SUSD1: variants seen among roughly 807,000 people sequenced by gnomAD.
SUSD1 encodes sushi domain-containing protein 1.
A neutral mutation model predicts 86.9 loss-of-function variants in SUSD1; 65 were observed. That is an observed-to-expected ratio of 0.75 (90% CI 0.61 to 0.92). The LOEUF is 0.92. Ranked by LOEUF, SUSD1 falls within the 40% of genes least tolerant of loss-of-function variation. The probability of loss-of-function intolerance (pLI) is 0.00; values close to 1 mark genes in which losing one functional copy is unlikely to be tolerated. For missense variants in SUSD1, 850 were observed against 929.7 expected (o/e 0.91, Z 1.11); for synonymous variants, 346 against 350.0 (o/e 0.99, Z 0.13).
intron 10 of SUSD1, among the ~76,000 whole-genome samples, chr9:112,096,409 A>G (rs767303521): frequency 5.3e-5 from 8 of 152,300 alleles, no homozygotes; most frequent in South Asian, 2.1e-4. Context: ...CTAGGTTTCA[A>G]CAGCTAGAAC....
At chr9:112,097,679 G>A (rs1189509753) in intron 10 of SUSD1, among the ~76,000 whole-genome samples, 3 of 152,012 alleles carry the variant, frequency 2.0e-5, no homozygotes, top group African/African-American at 7.2e-5. Context: ...GATTACAGTC[G>A]TGAGCCACCG....
At chr9:112,053,757 G>C (rs1004098940) in intron 14 of SUSD1, among the ~76,000 whole-genome samples, 15 of 152,258 alleles carry the variant, frequency 9.9e-5, no homozygotes, top group African/African-American at 3.4e-4. Context: ...GGTGAAGAAG[G>C]GAGCTTATTA....
chr9:112,109,771 T>A (rs374358706), intron 8 of SUSD1, among the ~76,000 whole-genome samples: 101 of 152,362 alleles, frequency 6.6e-4, no homozygotes, highest in African/African-American at 2.3e-3. Flanking sequence ...TTCCCTATAG[T>A]AGTTTACTAA....
intron 6 of SUSD1, among the ~76,000 whole-genome samples, chr9:112,123,709 C>T (rs1185242574): frequency 1.3e-5 from 2 of 151,784 alleles, no homozygotes; most frequent in South Asian, 2.1e-4. Context: ...CTGAGGCAGG[C>T]GAATCACTTG....
intron 14 of SUSD1, among the ~76,000 whole-genome samples, chr9:112,056,733 T>C (rs969364930): frequency 3.3e-5 from 5 of 151,680 alleles, no homozygotes; most frequent in African/African-American, 1.2e-4. Context: ...TGTGTGTGTG[T>C]GTGAGACAGG....
chr9:112,153,473 C>A (rs907997255), intron 2 of SUSD1, among the ~76,000 whole-genome samples: 4 of 152,042 alleles, frequency 2.6e-5, no homozygotes, highest in Non-Finnish European at 5.9e-5. Flanking sequence ...TCCTGAAAGA[C>A]CTGCCTGAGG....
intron 1 of SUSD1, among the ~76,000 whole-genome samples, 180 bp downstream of exon 1, chr9:112,174,953 C>T (rs1156771905): frequency 6.6e-6 from 1 of 151,686 alleles, no homozygotes; most frequent in Non-Finnish European, 1.5e-5. Flanking sequence ...GGGGAGCCCC[C>T]CGCTTCTCTG....
intron 12 of SUSD1, among the ~76,000 whole-genome samples, chr9:112,068,418 A>C (rs1253058753): frequency 6.6e-6 from 1 of 152,156 alleles, no homozygotes; most frequent in East Asian, 1.9e-4. Flanking sequence ...CCATTGAAAG[A>C]TTTTTAGCAG....
intron 10 of SUSD1, among the ~76,000 whole-genome samples, chr9:112,095,942 T>C (rs953531040): frequency 4.6e-5 from 7 of 152,152 alleles, no homozygotes; most frequent in African/African-American, 1.7e-4. Flanking sequence ...AAGGTTTTAA[T>C]CTTTGGAACG....
chr9:112,157,490 C>G lies in SUSD1; in HGVS notation c.217+10G>C, dbSNP rs572581070. The G allele has an allele frequency of 6.3e-7, 1 of 1,598,994 alleles. No individual in the cohort carries two copies. The highest frequency in any genetic ancestry group is 1.7e-5 in the Admixed American group (1 of 59,778). On this transcript the variant is annotated intron_variant, in intron 2 of 16. Coordinates refer to ENST00000374270, the MANE Select transcript of SUSD1 (RefSeq NM_022486.5). ...CAGCTTTTCAACTTAACCCAGAGTT[C>G]AGAACTTACCAACACACTGAGTCCT... is the stretch of plus-strand genomic sequence containing the variant.
At chr9:112,156,247 A>G (rs994010240) in intron 2 of SUSD1, among the ~76,000 whole-genome samples, 5 of 152,008 alleles carry the variant, frequency 3.3e-5, no homozygotes, top group African/African-American at 1.2e-4. Flanking sequence ...GTGGATCACG[A>G]GGTCAGGAGT....
intron 5 of SUSD1, among the ~76,000 whole-genome samples, chr9:112,139,419 T>C (rs1419582438): frequency 4.6e-5 from 7 of 152,144 alleles, no homozygotes; most frequent in Admixed American, 2.0e-4. Flanking sequence ...TATCAGGAAA[T>C]CTAACAATAT....
At chr9:112,131,545 C>T (rs1832034506) in intron 5 of SUSD1, among the ~76,000 whole-genome samples, 1 of 152,138 alleles carries the variant, frequency 6.6e-6, no homozygotes, top group South Asian at 2.1e-4. Flanking sequence ...TCTGCTCAGA[C>T]CAAATGGCAT....
At chr9:112,096,425 C>T (rs1564289996) in intron 10 of SUSD1, among the ~76,000 whole-genome samples, 1 of 152,218 alleles carries the variant, frequency 6.6e-6, no homozygotes, top group Non-Finnish European at 1.5e-5. Flanking sequence ...AGAACACACT[C>T]TCCACTCAGC....
At chr9:112,133,553 C>T (rs998722915) in intron 5 of SUSD1, among the ~76,000 whole-genome samples, 2 of 152,146 alleles carry the variant, frequency 1.3e-5, no homozygotes, top group African/African-American at 4.8e-5. Flanking sequence ...ATTTACCGTA[C>T]ATAAAAATTA....
intron 15 of SUSD1, among the ~76,000 whole-genome samples, chr9:112,048,543 C>T (rs1417105070): frequency 6.6e-6 from 1 of 152,226 alleles, no homozygotes; most frequent in East Asian, 1.9e-4. Context: ...CCTCAGTAAT[C>T]ATTCAGCCCA....
intron 4 of SUSD1, among the ~76,000 whole-genome samples, chr9:112,143,123 T>C (rs1222579675): frequency 6.6e-6 from 1 of 151,492 alleles, no homozygotes; most frequent in East Asian, 1.9e-4. Context: ...TAGCTGGGAT[T>C]ACAGGTGCCC....
chr9:112,052,427 G>A lies in SUSD1; in HGVS notation c.2121C>T (p.His707=). Residue 707 remains histidine, a synonymous_variant, in exon 15 of 17, where the codon CAC becomes CAT. Coordinates refer to ENST00000374270, the MANE Select transcript of SUSD1 (RefSeq NM_022486.5). ...ITSEWNKVRR[H]SCAVWAQVKD... ...TCACCTGAGCCCAAACTGCACAGGA[G>A]TGTCTTCTCACCTATAAAGGAAAAC... The A allele has an allele frequency of 1.2e-6, 2 of 1,614,090 alleles. No homozygotes were observed. The highest frequency in any genetic ancestry group is 1.7e-6 in the Non-Finnish European group (2 of 1,180,004).
chr9:112,142,961 C>CTTTTTTTTTTTTTTTTTTTTTT lies in SUSD1; in HGVS notation c.527-484_527-463dup, dbSNP rs529470594. On this transcript the variant is annotated intron_variant, in intron 4 of 16. Transcript: ENST00000374270. ...AATCCTTTAAGTTTATGAATTTTAG[C>CTTTTTTTTTTTTTTTTTTTTTT]TTTTTTTTTTTTTTTTTTTTTTTTT... 6.6e-5 allele frequency among the ~76,000 whole-genome samples: 2 copies of CTTTTTTTTTTTTTTTTTTTTTT among 30,216 alleles called. 1 individual carries two copies. The allele number at this position is 30,216 out of a possible 152,430, so 19.8% of individuals were successfully genotyped here.
Sources: gnomAD v4.1 joint callset for allele counts (sites outside exome capture counted in the v4.1 genomes callset) on GRCh38, gnomAD v4.1.1 for gene constraint, MANE v1.5 for transcripts, NCBI Gene and HGNC (gene_info 2026-07-23, HGNC 2026-07-21) for gene names.